The following TPTE variants were observed in gnomAD, a reference collection of about 807,000 sequenced individuals.
TPTE encodes putative tyrosine-protein phosphatase TPTE.
Under a neutral mutation model 84.1 loss-of-function variants are expected in TPTE, and 59 were observed. The ratio of observed to expected loss-of-function variants is 0.70; its 90% CI spans 0.57 to 0.87. The LOEUF is 0.87. Ranked by LOEUF, TPTE falls within the 40% of genes least tolerant of loss-of-function variation. TPTE has a pLI of 0.00. For missense variants in TPTE, 382 were observed against 659.6 expected (o/e 0.58, Z 4.61); for synonymous variants, 130 against 223.5 (o/e 0.58, Z 3.73).
intron 17 of TPTE, among the ~76,000 whole-genome samples, chr21:10,579,157 G>C: frequency 6.6e-6 from 1 of 152,418 alleles, no homozygotes; most frequent in Middle Eastern, 3.4e-3. Context: ...ATTATTAACT[G>C]TGGTCACTAT....
intron 9 of TPTE, among the ~76,000 whole-genome samples, chr21:10,560,406 T>C (rs1600902274): frequency 6.6e-6 from 1 of 152,308 alleles, no homozygotes; most frequent in East Asian, 1.9e-4. Flanking sequence ...TTCACCTTTA[T>C]AGACTAGGCA....
intron 5 of TPTE, among the ~76,000 whole-genome samples, chr21:10,542,032 A>G (rs181128337): frequency 2.0e-5 from 3 of 152,422 alleles, no homozygotes; most frequent in Admixed American, 2.0e-4. Context: ...ATAAGGAGCT[A>G]ATGGAGGGCC....
chr21:10,542,562 T>TCCA (rs2074389638), intron 6 of TPTE, 114 bp downstream of exon 6: 259 of 1,356,422 alleles, frequency 1.9e-4, no homozygotes, highest in African/African-American at 1.6e-3. Flanking sequence ...CATCCATCCA[T>TCCA]TCATCCATCC....
chr21:10,574,365 G>A (rs1219603685), intron 14 of TPTE, among the ~76,000 whole-genome samples: 1 of 152,310 alleles, frequency 6.6e-6, no homozygotes, highest in Non-Finnish European at 1.5e-5. Flanking sequence ...CCCAGAAAAT[G>A]TCCTGGATAC....
intron 7 of TPTE, among the ~76,000 whole-genome samples, chr21:10,545,032 T>C (rs373023804): frequency 3.3e-5 from 5 of 152,302 alleles, no homozygotes; most frequent in East Asian, 3.8e-4. Context: ...TCAGGGGAAC[T>C]AGATTATAAA....
At chr21:10,574,155 C>G (rs1184514900) in intron 14 of TPTE, among the ~76,000 whole-genome samples, 2 of 152,312 alleles carry the variant, frequency 1.3e-5, no homozygotes, top group African/African-American at 2.4e-5. Context: ...AAATTAATTT[C>G]AAACATATAA....
chr21:10,605,059 C>T (rs374952620), intron 23 of TPTE, among the ~76,000 whole-genome samples: 328 of 151,430 alleles, frequency 2.2e-3, no homozygotes, highest in African/African-American at 7.8e-3. Flanking sequence ...ATTGCAACCT[C>T]ACACATAAAT....
chr21:10,588,701 T>C (rs1347968356), intron 17 of TPTE, among the ~76,000 whole-genome samples: 1 of 152,428 alleles, frequency 6.6e-6, no homozygotes, highest in East Asian at 1.9e-4. Flanking sequence ...TTCTTCACTT[T>C]TAAAAAATAT....
At chr21:10,555,284 G>T (rs1237193227) in intron 8 of TPTE, among the ~76,000 whole-genome samples, 8 of 152,286 alleles carry the variant, frequency 5.3e-5, no homozygotes, top group African/African-American at 1.9e-4. Context: ...TCAGCTCACT[G>T]CAACCTCCAC....
At chr21:10,576,626 A>C (rs1383727074) in intron 14 of TPTE, 1 of 152,610 alleles carries the variant, frequency 6.6e-6, no homozygotes, top group African/African-American at 2.4e-5. Context: ...TATTTTTCTC[A>C]ATATTAAGCC....
intron 14 of TPTE, among the ~76,000 whole-genome samples, chr21:10,571,862 G>T (rs1190722018): frequency 6.6e-6 from 1 of 152,310 alleles, no homozygotes; most frequent in Non-Finnish European, 1.5e-5. Context: ...AAAATTAGTT[G>T]GGTTTGGTGG....
At chr21:10,571,308 C>G (rs2075038026) in intron 14 of TPTE, among the ~76,000 whole-genome samples, 1 of 152,308 alleles carries the variant, frequency 6.6e-6, no homozygotes, top group Non-Finnish European at 1.5e-5. Context: ...CACCCAGAAC[C>G]AAAGTCAAAG....
intron 2 of TPTE, among the ~76,000 whole-genome samples, 200 bp downstream of exon 2, chr21:10,524,888 C>T (rs946765884): frequency 6.6e-6 from 1 of 152,286 alleles, no homozygotes; most frequent in Admixed American, 6.5e-5. Context: ...TGTCTGTGAC[C>T]CAGCAAATAA....
intron 7 of TPTE, among the ~76,000 whole-genome samples, chr21:10,550,360 A>G (rs2074549909): frequency 6.6e-6 from 1 of 152,310 alleles, no homozygotes; most frequent in Admixed American, 6.5e-5. Flanking sequence ...GTATAGAAAC[A>G]CATAGACTGA....
intron 19 of TPTE, among the ~76,000 whole-genome samples, chr21:10,593,665 G>A (rs572712674): frequency 1.4e-4 from 21 of 152,394 alleles, no homozygotes; most frequent in African/African-American, 5.1e-4. Context: ...GAAAATTGAG[G>A]TTTAGAGAAA....
intron 17 of TPTE, among the ~76,000 whole-genome samples, chr21:10,589,220 G>T (rs1480443464): frequency 2.6e-5 from 4 of 152,266 alleles, no homozygotes; most frequent in African/African-American, 9.6e-5. Flanking sequence ...CTTCTCCCTA[G>T]AGGGTGTGAC....
intron 19 of TPTE, 100 bp downstream of exon 19, chr21:10,592,473 A>T: frequency 1.3e-6 from 2 of 1,483,084 alleles, no homozygotes; most frequent in Non-Finnish European, 1.9e-6. Flanking sequence ...TTTGGTGATC[A>T]GGCAGCAGCA....
intron 8 of TPTE, among the ~76,000 whole-genome samples, 174 bp downstream of exon 8, chr21:10,552,890 T>C (rs1344674133): frequency 3.3e-5 from 5 of 152,300 alleles, no homozygotes; most frequent in Non-Finnish European, 7.3e-5. Flanking sequence ...ACAAGTATTA[T>C]TTTGAAAAAA....
intron 7 of TPTE, among the ~76,000 whole-genome samples, chr21:10,545,699 CTT>C (rs1267960047): frequency 2.0e-5 from 3 of 152,026 alleles, no homozygotes; most frequent in Non-Finnish European, 4.4e-5. Flanking sequence ...ACAGATATAT[CTT>C]TTAGCTATAT....
Sources: gnomAD v4.1 joint callset for allele counts (sites outside exome capture counted in the v4.1 genomes callset) on GRCh38, gnomAD v4.1.1 for gene constraint, MANE v1.5 for transcripts, NCBI Gene and HGNC (gene_info 2026-07-23, HGNC 2026-07-21) for gene names.